Variants in GUCY1A1 observed in about 807,000 individuals in gnomAD.
GUCY1A1 encodes guanylate cyclase soluble subunit alpha-1.
A neutral mutation model predicts 64.5 loss-of-function variants in GUCY1A1; 48 were observed. That is an observed-to-expected ratio of 0.74 (90% CI 0.59 to 0.95). The LOEUF is 0.95. GUCY1A1 is among the 40% of genes least tolerant of loss of function. The probability of loss-of-function intolerance (pLI) is 0.00; values close to 1 mark genes in which losing one functional copy is unlikely to be tolerated. For missense variants in GUCY1A1, 804 were observed against 825.3 expected, an observed-to-expected ratio of 0.97 and a Z score of 0.32; for synonymous variants, 308 against 303.4, an observed-to-expected ratio of 1.02 and a Z score of -0.16.
rs112384014 is a variant in GUCY1A1 at position 155,717,173 on chromosome 4, C to A, written c.1587C>A (p.Gly529=). ...ATTATGTCTAGGTGGAGACCATTGG[C>A]GATGCCTATTGTGTAGCTGGGGGAT... The part of the protein sequence containing the change: ...ELDVYKVETI[G]DAYCVAGGLH... The change falls in exon 8 of 10, where the codon GGC becomes GGA. Residue 529 remains glycine (G), a synonymous_variant. Coordinates refer to ENST00000506455, the MANE Select transcript of GUCY1A1 (RefSeq NM_001130682.3). The A allele has an allele frequency of 6.6e-7, 1 of 1,508,258 alleles. No individual in the cohort carries two copies. The highest frequency in any genetic ancestry group is 8.9e-7 in the Non-Finnish European group (1 of 1,118,422). The allele number at this position is 1,508,258 out of a possible 1,614,324, so 93.4% of individuals were successfully genotyped here.
chr4:155,687,465 A>G (rs1464650699), intron 2 of GUCY1A1, among the ~76,000 whole-genome samples: 9 of 152,126 alleles, frequency 5.9e-5, no homozygotes, highest in Admixed American at 5.9e-4. Flanking sequence ...CTGTTACATC[A>G]TGACTTTACC....
At chr4:155,683,553 T>C (rs752779221) in intron 2 of GUCY1A1, among the ~76,000 whole-genome samples, 1 of 152,086 alleles carries the variant, frequency 6.6e-6, no homozygotes, top group Non-Finnish European at 1.5e-5. Context: ...CTTGATTAAG[T>C]GACAAAGACA....
intron 2 of GUCY1A1, among the ~76,000 whole-genome samples, chr4:155,674,081 C>T (rs190066926): frequency 5.9e-5 from 9 of 151,492 alleles, no homozygotes; most frequent in Admixed American, 3.9e-4. Flanking sequence ...TATGGCCGGG[C>T]GTGGTGGCTC....
intron 2 of GUCY1A1, among the ~76,000 whole-genome samples, chr4:155,674,064 C>T (rs550605371): frequency 1.5e-4 from 22 of 151,504 alleles, no homozygotes; most frequent in African/African-American, 3.7e-4. Flanking sequence ...TCAGTGAAAA[C>T]GTGTGCTATG....
Position 155,711,057 on chromosome 4 carries a change from A to G in GUCY1A1, c.892A>G (p.Ile298Val), listed in dbSNP as rs372170780. Reference sequence around the variant, plus strand: ...TTTCATGTTTGACAAAGATATGACAATTCTGCAATTTGGCAATGGCATCAG... The same window carrying G: ...TTTCATGTTTGACAAAGATATGACAGTTCTGCAATTTGGCAATGGCATCAG... ...FHFMFDKDMT[I>V]LQFGNGIRRL... Residue 298 changes from isoleucine (I) to valine (V), a missense_variant, in exon 6 of 10, where the codon ATT (isoleucine) becomes GTT (valine). Transcript: ENST00000506455. 68 of 1,613,936 alleles carry G rather than the reference A, an allele frequency of 4.2e-5. No homozygotes were observed. Among genetic ancestry groups the G allele is most frequent in the Non-Finnish European group, 5.7e-5 (67 of 1,179,922 alleles).
chr4:155,677,838 C>T (rs1353895250), intron 2 of GUCY1A1, among the ~76,000 whole-genome samples: 2 of 145,664 alleles, frequency 1.4e-5, no homozygotes, highest in Non-Finnish European at 3.0e-5. Context: ...ACTGACAGAG[C>T]GAGATTCCAT....
rs573257647 is a variant in GUCY1A1 at position 155,677,842 on chromosome 4, A to G, written c.-113+10423A>G. Among the ~76,000 whole-genome samples, 7 of 139,634 alleles carry G rather than the reference A, an allele frequency of 5.0e-5. No homozygotes were observed. In the South Asian group the frequency reaches 1.8e-3, roughly 36 times the overall value. 91.6% of individuals were successfully genotyped at this position (139,634 alleles called of 152,430 possible). On this transcript the variant is annotated intron_variant, in intron 2 of 9. Coordinates refer to ENST00000506455, the MANE Select transcript of GUCY1A1 (RefSeq NM_001130682.3). Reference sequence around the variant, plus strand: ...ACTCCAGCCTGACTGACAGAGCGAGATTCCATTTCAAAAATATATATATAT... The same window carrying G: ...ACTCCAGCCTGACTGACAGAGCGAGGTTCCATTTCAAAAATATATATATAT...
At chr4:155,706,383 G>A (rs886315669) in intron 4 of GUCY1A1, among the ~76,000 whole-genome samples, 2 of 152,040 alleles carry the variant, frequency 1.3e-5, no homozygotes, top group African/African-American at 4.8e-5. Context: ...CGTTTTTATT[G>A]CTGTCAGTTT....
chr4:155,674,355 A>G (rs1734587513), intron 2 of GUCY1A1, among the ~76,000 whole-genome samples: 1 of 147,196 alleles, frequency 6.8e-6, no homozygotes, highest in Non-Finnish European at 1.5e-5. Flanking sequence ...CTCCATCTAA[A>G]AAAAAAAAAG....
chr4:155,703,909 A>C, intron 3 of GUCY1A1, 23 bp from the exon 4 acceptor site: 2 of 1,498,980 alleles, frequency 1.3e-6, no homozygotes, highest in Non-Finnish European at 1.8e-6. Flanking sequence ...GGAATGTTTA[A>C]AACATTTCTT....
intron 2 of GUCY1A1, among the ~76,000 whole-genome samples, chr4:155,681,350 A>G (rs1735735405): frequency 6.6e-6 from 1 of 152,192 alleles, no homozygotes; most frequent in Admixed American, 6.5e-5. Context: ...AGCTACAAAT[A>G]TAGGTAACAA....
chr4:155,672,770 G>A (rs1360692847), intron 2 of GUCY1A1, among the ~76,000 whole-genome samples: 1 of 152,094 alleles, frequency 6.6e-6, no homozygotes, highest in Non-Finnish European at 1.5e-5. Context: ...TGAGGCAATG[G>A]TTGGACTCTG....
intron 4 of GUCY1A1, among the ~76,000 whole-genome samples, chr4:155,704,221 C>T (rs926238006): frequency 1.3e-5 from 2 of 152,042 alleles, no homozygotes; most frequent in African/African-American, 4.8e-5. Flanking sequence ...ATTTTATAGC[C>T]GTTTAAGGAA....
chr4:155,704,947 A>C (rs1731540329), intron 4 of GUCY1A1, among the ~76,000 whole-genome samples: 4 of 152,138 alleles, frequency 2.6e-5, no homozygotes, highest in Admixed American at 2.6e-4. Flanking sequence ...AGTGCAGTGC[A>C]ATCTTGGCTC....
In GUCY1A1 at chr4:155,733,270, G is replaced by A. The variant is rs1735738186; in HGVS notation, c.*3039G>A. ...GTGGGAGCACAAAGTAGGGGACTCA[G>A]TTCTTAGAGAAGTCTTTTGGTCTTA... On this transcript the variant is annotated 3_prime_UTR_variant, in exon 10 of 10. Coordinates refer to ENST00000506455, the MANE Select transcript of GUCY1A1 (RefSeq NM_001130682.3). Among the ~76,000 whole-genome samples, 1 of 151,758 alleles carries A rather than the reference G, an allele frequency of 6.6e-6. No homozygotes were observed. Among genetic ancestry groups the A allele is most frequent in the South Asian group, 2.1e-4 (1 of 4,816 alleles).
At chr4:155,678,027 A>G (rs1735198955) in intron 2 of GUCY1A1, among the ~76,000 whole-genome samples, 1 of 152,166 alleles carries the variant, frequency 6.6e-6, no homozygotes, top group Non-Finnish European at 1.5e-5. Flanking sequence ...TTATTAGACA[A>G]TAATGAAATT....
chr4:155,728,309 C>T (rs186907483), intron 9 of GUCY1A1, among the ~76,000 whole-genome samples: 21 of 151,954 alleles, frequency 1.4e-4, no homozygotes, highest in Admixed American at 1.4e-3. Context: ...TGGCAGGTTT[C>T]AGGCTATGGA....
chr4:155,722,117 A>G lies in GUCY1A1; in HGVS notation c.1796A>G (p.Asn599Ser). Reference protein sequence around the residue: ...VKMPRYCLFGNNVTLANKFES... With the variant: ...VKMPRYCLFGSNVTLANKFES... The stretch of plus-strand genomic sequence containing the variant: ...ATGCCCCGTTACTGTCTTTTTGGAA[A>G]CAATGTCACTCTGGCTAACAAATTT... The change falls in exon 9 of 10, where the codon AAC becomes AGC. Residue 599 changes from asparagine to serine, a missense_variant. Asn to Ser is a conservative substitution (Grantham distance 46, BLOSUM62 1). Transcript: ENST00000506455. 1 of 1,613,652 alleles carries G rather than the reference A, an allele frequency of 6.2e-7. No individual in the cohort carries two copies. The highest frequency in any genetic ancestry group is 8.5e-7 in the Non-Finnish European group (1 of 1,179,698).
rs1439070991 is a variant in GUCY1A1 at position 155,730,589 on chromosome 4, ATGG to A, written c.*360_*362del. ...CAATCTCATATCCTGGTGGAATGCC[ATGG>A]TTATTAAAGTGTGTTTGTGATAGTG... On this transcript the variant is annotated 3_prime_UTR_variant, in exon 10 of 10. Transcript: ENST00000506455. 3 of 162,948 alleles carry A rather than the reference ATGG, an allele frequency of 1.8e-5. No homozygotes were observed. The highest frequency in any genetic ancestry group is 2.7e-5 in the Non-Finnish European group (2 of 74,348). 10.1% of individuals were successfully genotyped at this position (162,948 alleles called of 1,614,324 possible).
Sources: gnomAD v4.1 joint callset for allele counts (sites outside exome capture counted in the v4.1 genomes callset) on GRCh38, gnomAD v4.1.1 for gene constraint, MANE v1.5 for transcripts, NCBI Gene and HGNC (gene_info 2026-07-23, HGNC 2026-07-21) for gene names.